Variants in PAX5 observed in about 807,000 individuals in gnomAD.
PAX5 encodes paired box protein Pax-5.
Under a neutral mutation model 43.7 loss-of-function variants are expected in PAX5, and 9 were observed. The observed-to-expected ratio is 0.21, with a 90% CI of 0.12 to 0.36. The LOEUF (loss-of-function observed/expected upper bound fraction) is 0.36. Among genes scored for constraint, PAX5 ranks in the 10% least tolerant of loss-of-function variants. The pLI is 1.00. For synonymous variants in PAX5, 228 were observed against 214.3 expected (o/e 1.06, Z -0.56); for missense variants, 383 against 532.7 (o/e 0.72, Z 2.77).
At chr9:37,028,662 C>T (rs1367628060) in intron 1 of PAX5, among the ~76,000 whole-genome samples, 1 of 152,208 alleles carries the variant, frequency 6.6e-6, no homozygotes, top group African/African-American at 2.4e-5. Context: ...TCTTGAGAAC[C>T]GAATGAGCCA....
intron 7 of PAX5, among the ~76,000 whole-genome samples, chr9:36,898,069 T>C (rs1284968018): frequency 1.3e-5 from 2 of 152,204 alleles, no homozygotes; most frequent in Non-Finnish European, 2.9e-5. Flanking sequence ...TGCCCCTTGC[T>C]CTGCCTCCCA....
chr9:36,936,888 A>G (rs1211714675), intron 6 of PAX5, among the ~76,000 whole-genome samples: 1 of 151,412 alleles, frequency 6.6e-6, no homozygotes. Flanking sequence ...CAGGCCAAAG[A>G]CCACCTCTCT....
intron 6 of PAX5, among the ~76,000 whole-genome samples, chr9:36,948,105 T>C (rs953750899): frequency 6.6e-6 from 1 of 152,230 alleles, no homozygotes; most frequent in Admixed American, 6.5e-5. Context: ...TCGGCATGGC[T>C]ACCCTCCTCT....
intron 1 of PAX5, among the ~76,000 whole-genome samples, chr9:37,024,298 G>C (rs1296164352): frequency 4.6e-5 from 7 of 152,092 alleles, no homozygotes; most frequent in Non-Finnish European, 1.5e-5. Flanking sequence ...AAACTCAGAA[G>C]CCCATTTCCT....
chr9:36,912,634 C>T (rs1811158867), intron 7 of PAX5, among the ~76,000 whole-genome samples: 1 of 152,166 alleles, frequency 6.6e-6, no homozygotes, highest in South Asian at 2.1e-4. Flanking sequence ...AGGTCACTTC[C>T]CTCTCTTGTC....
intron 6 of PAX5, among the ~76,000 whole-genome samples, chr9:36,959,342 C>T (rs975116415): frequency 6.6e-6 from 1 of 152,324 alleles, no homozygotes; most frequent in East Asian, 1.9e-4. Flanking sequence ...AAGCTCACTA[C>T]TTAACAAGGA....
chr9:36,916,882 A>G (rs1829767652), intron 7 of PAX5, among the ~76,000 whole-genome samples: 1 of 152,160 alleles, frequency 6.6e-6, no homozygotes, highest in South Asian at 2.1e-4. Context: ...ACGGGGTTTC[A>G]CCATGTTGAC....
At chr9:36,903,299 G>A (rs1421086374) in intron 7 of PAX5, among the ~76,000 whole-genome samples, 3 of 152,240 alleles carry the variant, frequency 2.0e-5, no homozygotes, top group Non-Finnish European at 2.9e-5. Flanking sequence ...GGAGGCTGAG[G>A]TGGGAGCATC....
At chr9:36,942,139 G>A (rs1299375317) in intron 6 of PAX5, among the ~76,000 whole-genome samples, 2 of 152,118 alleles carry the variant, frequency 1.3e-5, no homozygotes, top group Admixed American at 6.5e-5. Context: ...CCCTCTCCTT[G>A]GCTCAGGGAA....
At chr9:36,961,434 G>T (rs960142517) in intron 6 of PAX5, among the ~76,000 whole-genome samples, 1 of 152,230 alleles carries the variant, frequency 6.6e-6, no homozygotes, top group South Asian at 2.1e-4. Context: ...GCCCTGGCCC[G>T]TTCCATTTTG....
intron 7 of PAX5, among the ~76,000 whole-genome samples, chr9:36,910,327 CT>C (rs1483116280): frequency 6.6e-6 from 1 of 152,062 alleles, no homozygotes; most frequent in Non-Finnish European, 1.5e-5. Context: ...CTTTACCTTG[CT>C]TTTTTCATAA....
chr9:36,839,269 C>T lies in PAX5; in HGVS notation c.*1291G>A, dbSNP rs79180819. On this transcript the variant is annotated 3_prime_UTR_variant, in exon 10 of 10. Coordinates refer to ENST00000358127, the MANE Select transcript of PAX5 (RefSeq NM_016734.3). ...GCCCACAGTGAGTTCTCCAAGCTCCCTCTCCAAGTTCCCGTGGCCCTTGGC... is the reference window on the plus strand; with the variant it reads ...GCCCACAGTGAGTTCTCCAAGCTCCTTCTCCAAGTTCCCGTGGCCCTTGGC... 3.0e-3 allele frequency: 704 copies of T among 233,618 alleles called. 5 individuals carry two copies. The highest frequency in any genetic ancestry group is 0.014 in the African/African-American group (646 of 45,500). The allele number at this position is 233,618 out of a possible 1,614,324, so 14.5% of individuals were successfully genotyped here.
chr9:36,911,400 G>A (rs1206644025), intron 7 of PAX5, among the ~76,000 whole-genome samples: 1 of 151,990 alleles, frequency 6.6e-6, no homozygotes, highest in East Asian at 1.9e-4. Flanking sequence ...GGCTCAAGTG[G>A]TCCTCCCGCC....
rs764257934 is a variant in PAX5, at chr9:36,837,449, C to T, written c.*3111G>A. The T allele has an allele frequency of 3.9e-5, 9 of 233,144 alleles. No homozygotes were observed. The highest frequency in any genetic ancestry group is 1.7e-4 in the Admixed American group (3 of 17,774). The allele number at this position is 233,144 out of a possible 1,614,324, so 14.4% of individuals were successfully genotyped here. ...ATGTCCTTTTCCAAAAGTCAGAGCT[C>T]GAACACAGGGAAGAAGGCCCATGGA... On this transcript the variant is annotated 3_prime_UTR_variant, in exon 10 of 10. Transcript: ENST00000358127.
At chr9:36,865,755 C>T (rs1824810177) in intron 8 of PAX5, among the ~76,000 whole-genome samples, 2 of 152,184 alleles carry the variant, frequency 1.3e-5, no homozygotes, top group Admixed American at 6.5e-5. Context: ...CAATTTGCCC[C>T]AGTTTTTCTG....
At chr9:36,973,076 AAC>A in intron 5 of PAX5, among the ~76,000 whole-genome samples, 2 of 66,796 alleles carry the variant, frequency 3.0e-5, no homozygotes, top group Admixed American at 1.8e-4. Context: ...AAAGGAACGG[AAC>A]GGAACGGAAA....
At chr9:37,013,201 A>T (rs866953644) in intron 3 of PAX5, among the ~76,000 whole-genome samples, 1 of 152,198 alleles carries the variant, frequency 6.6e-6, no homozygotes, top group Non-Finnish European at 1.5e-5. Context: ...AATCTGGCAA[A>T]CACCAGACCC....
intron 5 of PAX5, among the ~76,000 whole-genome samples, chr9:36,985,314 C>T (rs1024643803): frequency 2.6e-5 from 4 of 152,202 alleles, no homozygotes; most frequent in Non-Finnish European, 5.9e-5. Context: ...ATTATCTCTC[C>T]CTGGCCAGGG....
At chr9:36,910,719 G>A (rs1829201229) in intron 7 of PAX5, among the ~76,000 whole-genome samples, 1 of 152,150 alleles carries the variant, frequency 6.6e-6, no homozygotes, top group Non-Finnish European at 1.5e-5. Flanking sequence ...AATACCGCTG[G>A]AAGAGACTTC....
Sources: gnomAD v4.1 joint callset for allele counts (sites outside exome capture counted in the v4.1 genomes callset) on GRCh38, gnomAD v4.1.1 for gene constraint, MANE v1.5 for transcripts, NCBI Gene and HGNC (gene_info 2026-07-23, HGNC 2026-07-21) for gene names.